PUDP: variants seen among roughly 807,000 people sequenced by gnomAD.
PUDP encodes the protein pseudouridine-5'-phosphatase.
PUDP carries 8 observed loss-of-function variants against 9.4 expected under a neutral mutation model. The observed-to-expected ratio is 0.85, with a 90% CI of 0.50 to 1.53. PUDP has a LOEUF of 1.53. PUDP is among the 40% of genes most tolerant of loss of function. The probability of loss-of-function intolerance (pLI) is 0.00; values close to 1 mark genes in which losing one functional copy is unlikely to be tolerated. For missense variants in PUDP, 188 were observed against 189.7 expected (o/e 0.99, Z 0.05); for synonymous variants, 99 against 80.7 (o/e 1.23, Z -1.22).
intron 3 of PUDP, among the ~76,000 whole-genome samples, chrX:6,973,848 G>C: frequency 9.0e-6 from 1 of 111,302 alleles, no homozygotes; most frequent in East Asian, 2.8e-4. Flanking sequence ...CTAAGTCTTT[G>C]TAGGTCTCTA....
intron 3 of PUDP, among the ~76,000 whole-genome samples, chrX:6,854,234 A>G (rs1926871556): frequency 9.0e-6 from 1 of 111,648 alleles, no homozygotes; most frequent in African/African-American, 3.3e-5. Flanking sequence ...TAACACTCTG[A>G]CTCATAGACT....
chrX:6,723,676 AC>A (rs1451262312), upstream of PUDP, among the ~76,000 whole-genome samples: 2 of 103,854 alleles, frequency 1.9e-5, no homozygotes, highest in African/African-American at 3.5e-5. Context: ...CACCAAAAAA[AC>A]AAAACAAAAC....
At chrX:7,021,709 C>T (rs1404587448) in intron 1 of PUDP, among the ~76,000 whole-genome samples, 2 of 111,633 alleles carry the variant, frequency 1.8e-5, no homozygotes, top group Non-Finnish European at 3.8e-5. Context: ...TGCAGATGTG[C>T]ACATTGGTGT....
chrX:6,891,805 T>C (rs1478586045), intron 3 of PUDP, among the ~76,000 whole-genome samples: 1 of 112,075 alleles, frequency 8.9e-6, no homozygotes, highest in Admixed American at 9.5e-5. Context: ...AAGACCTCTA[T>C]GGTTCCTACC....
intron 3 of PUDP, among the ~76,000 whole-genome samples, chrX:6,780,479 T>C (rs142774113): frequency 1.3e-4 from 14 of 110,972 alleles, no homozygotes; most frequent in African/African-American, 3.0e-4. Flanking sequence ...AATAGCTCCA[T>C]GGATTCTCAC....
At chrX:7,088,855 G>A (rs781188311) in intron 2 of PUDP, among the ~76,000 whole-genome samples, 2 of 111,919 alleles carry the variant, frequency 1.8e-5, no homozygotes, top group Non-Finnish European at 3.8e-5. Flanking sequence ...TTGTGTTCTA[G>A]ATGTGCCTCT....
At chrX:6,962,473 A>C (rs1602692198) in intron 3 of PUDP, among the ~76,000 whole-genome samples, 1 of 112,052 alleles carries the variant, frequency 8.9e-6, no homozygotes, top group Middle Eastern at 4.6e-3. Flanking sequence ...TGATTCTATT[A>C]TTTCTACAGC....
intron 3 of PUDP, among the ~76,000 whole-genome samples, chrX:6,831,189 G>C (rs997989574): frequency 8.9e-6 from 1 of 111,885 alleles, no homozygotes; most frequent in African/African-American, 3.3e-5. Flanking sequence ...ATCAAGTGCA[G>C]GGTCTGCAAA....
At chrX:7,005,768 C>T (rs994368758) in intron 1 of PUDP, among the ~76,000 whole-genome samples, 4 of 110,934 alleles carry the variant, frequency 3.6e-5, no homozygotes, top group African/African-American at 1.3e-4. Flanking sequence ...CAACCATCAG[C>T]GCCACCCATC....
chrX:6,761,020 G>GTGTT (rs66861541), intron 3 of PUDP, among the ~76,000 whole-genome samples: 30 of 107,118 alleles, frequency 2.8e-4, no homozygotes, highest in South Asian at 4.1e-4. Flanking sequence ...AAGAAAGTTA[G>GTGTT]TGTTTGTTTG....
At chrX:7,114,093 G>A (rs759199972) in intron 1 of PUDP, among the ~76,000 whole-genome samples, 10 of 109,898 alleles carry the variant, frequency 9.1e-5, no homozygotes, top group African/African-American at 3.0e-4. Flanking sequence ...TTCTCTCTTT[G>A]AGACGGAGTC....
At position 7,118,360 on chromosome X, in the gene PUDP, AAATATATTCCT is replaced by A. The variant is rs1932252064; in HGVS notation, c.62-12533_62-12523del. ...AGTGCTGTTAAAGTCCAAAAACACAAAATATATTCCTCTCTTTTAGGTTTTCTGCAATCTCC... is the reference window on the plus strand; with the variant it reads ...AGTGCTGTTAAAGTCCAAAAACACAACTCTTTTAGGTTTTCTGCAATCTCC... On this transcript the variant is annotated intron_variant, in intron 1 of 3. Transcript: ENST00000381077. 3.6e-5 allele frequency among the ~76,000 whole-genome samples: 4 copies of A among 112,188 alleles called. No individual in the cohort carries two copies. The South Asian group carries it at 1.5e-3, about 41-fold the overall frequency.
intron 1 of PUDP, among the ~76,000 whole-genome samples, chrX:7,113,905 A>G (rs747273427): frequency 1.8e-5 from 2 of 111,269 alleles, no homozygotes; most frequent in African/African-American, 6.5e-5. Context: ...GAAGACATTC[A>G]TTTCTTACAG....
At chrX:6,949,840 C>T (rs1052364740) in intron 3 of PUDP, among the ~76,000 whole-genome samples, 3 of 111,778 alleles carry the variant, frequency 2.7e-5, no homozygotes, top group Non-Finnish European at 3.8e-5. Context: ...TGGTGCCAGC[C>T]AGGGCTGGGA....
In PUDP at chrX:7,049,973, T is replaced by C; in HGVS notation, c.*323A>G. The C allele has an allele frequency of 4.7e-6, 1 of 212,912 alleles. No homozygotes were observed. The highest frequency in any genetic ancestry group is 1.9e-4 in the South Asian group (1 of 5,336). 17.5% of individuals were successfully genotyped at this position (212,912 alleles called of 1,213,427 possible). Reference sequence around the variant, plus strand: ...ATATTACCAAACTGATACACACATGTATATATGGAGGTGTGTGTGTATATA... The same window carrying C: ...ATATTACCAAACTGATACACACATGCATATATGGAGGTGTGTGTGTATATA... On this transcript the variant is annotated 3_prime_UTR_variant, in exon 4 of 4. Coordinates refer to ENST00000381077, the MANE Select transcript of PUDP (RefSeq NM_012080.5).
At chrX:7,067,825 C>T (rs189877379) in intron 3 of PUDP, among the ~76,000 whole-genome samples, 21 of 111,203 alleles carry the variant, frequency 1.9e-4, no homozygotes, top group Non-Finnish European at 3.2e-4. Flanking sequence ...GGGAGGGACT[C>T]GGTGGAAGGT....
chrX:6,992,377 A>G (rs1929195265), intron 1 of PUDP, among the ~76,000 whole-genome samples: 1 of 85,474 alleles, frequency 1.2e-5, no homozygotes, highest in Non-Finnish European at 2.3e-5. Context: ...GGTTCACGCC[A>G]TTCTCCTGCC....
At chrX:6,914,309 T>C (rs1927896068) in intron 3 of PUDP, among the ~76,000 whole-genome samples, 1 of 111,801 alleles carries the variant, frequency 8.9e-6, no homozygotes, top group African/African-American at 3.3e-5. Context: ...CACACTGTTT[T>C]CTTGTTTTCT....
At chrX:6,756,926 T>C (rs1415314847) in intron 3 of PUDP, among the ~76,000 whole-genome samples, 1 of 110,213 alleles carries the variant, frequency 9.1e-6, no homozygotes, top group Non-Finnish European at 1.9e-5. Context: ...AAGGAAGGAG[T>C]TCAAGTGGGA....
Sources: gnomAD v4.1 joint callset for allele counts (sites outside exome capture counted in the v4.1 genomes callset) on GRCh38, gnomAD v4.1.1 for gene constraint, MANE v1.5 for transcripts, NCBI Gene and HGNC (gene_info 2026-07-23, HGNC 2026-07-21) for gene names.